Variants in FAM217B observed in about 807,000 individuals in gnomAD.
FAM217B encodes the protein protein FAM217B.
For missense variants in FAM217B, 463 were observed against 456.9 expected (o/e 1.01, Z -0.12); for synonymous variants, 163 against 173.0 (o/e 0.94, Z 0.45).
chr20:59,948,147 T>A lies in FAM217B; in HGVS notation c.*3052T>A, dbSNP rs540602833. ...AATGAACTAAAAGTATATCAGTATT[T>A]GCAGTATTTGCTGTGATTACTTAGG... On this transcript the variant is annotated 3_prime_UTR_variant, in exon 4 of 4. Coordinates refer to ENST00000360816, the MANE Select transcript of FAM217B (RefSeq NM_022106.3). 3 of 166,896 alleles carry A rather than the reference T, an allele frequency of 1.8e-5. No individual in the cohort carries two copies. Among genetic ancestry groups the A allele is most frequent in the African/African-American group, 7.2e-5 (3 of 41,582 alleles). The allele number at this position is 166,896 out of a possible 1,614,324, so 10.3% of individuals were successfully genotyped here.
rs185009645 is a variant in FAM217B, at chr20:59,948,429, A to G, written c.*3334A>G. 4.2e-4 allele frequency: 70 copies of G among 167,134 alleles called. No homozygotes were observed. Among genetic ancestry groups the G allele is most frequent in the Middle Eastern group, 3.4e-3 (1 of 296 alleles). The allele number at this position is 167,134 out of a possible 1,614,324, so 10.4% of individuals were successfully genotyped here. The stretch of plus-strand genomic sequence containing the variant: ...CTTCCTCATTCCTTTATGCTCACTT[A>G]TGGAGTAGTTACATAGAAATATAAC... On this transcript the variant is annotated 3_prime_UTR_variant, in exon 4 of 4. Transcript: ENST00000360816.
At position 59,943,605 on chromosome 20, in the gene FAM217B, A is replaced by T. The variant is rs181235030; in HGVS notation, c.-4-335A>T. On this transcript the variant is annotated intron_variant, in intron 3 of 3. Transcript: ENST00000360816. The stretch of plus-strand genomic sequence containing the variant: ...TTCTACGACTGATTTTTTCCAAACT[A>T]ATGTTTTTTTTTTAAAGTACACACG... Among the ~76,000 whole-genome samples, 185 of 152,246 alleles carry T rather than the reference A, an allele frequency of 1.2e-3. 1 individual carries two copies. The highest frequency in any genetic ancestry group is 4.1e-4 in the South Asian group (2 of 4,822).
At chr20:59,939,842 C>T, upstream of FAM217B, 1 of 1,242,246 alleles carries the variant, frequency 8.0e-7, no homozygotes, top group Non-Finnish European at 1.0e-6. Context: ...CGCCGCCGTC[C>T]AGGTCCGACA....
Position 59,944,911 on chromosome 20 carries a change from T to C in FAM217B, c.968T>C (p.Ile323Thr), listed in dbSNP as rs2060928534. Residue 323 changes from isoleucine (I) to threonine (T), a missense_variant, in exon 4 of 4, where the codon ATT becomes ACT. Transcript: ENST00000360816. The part of the protein sequence containing the change: ...SSSKVETSGH[I>T]RVPKQAAVIL... ...TCTAAGGTGGAAACCAGCGGTCACA[T>C]TCGAGTTCCCAAACAGGCAGCTGTG... is the stretch of plus-strand genomic sequence containing the variant. The C allele has an allele frequency of 2.5e-6, 4 of 1,614,180 alleles. No homozygotes were observed. The highest frequency in any genetic ancestry group is 3.4e-6 in the Non-Finnish European group (4 of 1,180,018).
chr20:59,944,836 G>A lies in FAM217B; in HGVS notation c.893G>A (p.Ser298Asn), dbSNP rs1215795621. The change falls in exon 4 of 4, where the codon AGT becomes AAT. Residue 298 changes from serine (S) to asparagine (N), a missense_variant. Ser to Asn is a conservative substitution (Grantham distance 46). Coordinates refer to ENST00000360816, the MANE Select transcript of FAM217B (RefSeq NM_022106.3). ...MRTEEKKKKS[S>N]KSTKLQRWDL... ...ACAGAAGAAAAGAAAAAGAAATCAAGTAAGAGTACGAAGCTGCAGCGCTGG... is the reference window on the plus strand; with the variant it reads ...ACAGAAGAAAAGAAAAAGAAATCAAATAAGAGTACGAAGCTGCAGCGCTGG... The A allele has an allele frequency of 9.3e-6, 15 of 1,614,060 alleles. No individual in the cohort carries two copies. The highest frequency in any genetic ancestry group is 1.2e-5 in the Non-Finnish European group (14 of 1,180,042).
rs1346906586 is a variant in FAM217B, at chr20:59,944,508, G to A, written c.565G>A (p.Glu189Lys). The A allele has an allele frequency of 1.2e-6, 2 of 1,613,912 alleles. No individual in the cohort carries two copies. Among genetic ancestry groups the A allele is most frequent in the Non-Finnish European group, 1.7e-6 (2 of 1,180,016 alleles). The change falls in exon 4 of 4, where the codon GAG becomes AAG. Residue 189 changes from glutamate to lysine, a missense_variant. By Grantham distance (56) the Glu-to-Lys change is moderately conservative. Transcript: ENST00000360816. ...GTATATCGATAGACTTATTCAGCTT[G>A]AGTGGCTGCAAGTCCAGACTGTACA... ...GKYIDRLIQL[E>K]WLQVQTVQCE...
In FAM217B at chr20:59,945,860, C is replaced by T. The variant is rs1375227572; in HGVS notation, c.*765C>T. 1 of 166,944 alleles carries T rather than the reference C, an allele frequency of 6.0e-6. No homozygotes were observed. The highest frequency in any genetic ancestry group is 2.4e-5 in the African/African-American group (1 of 41,406). 10.3% of individuals were successfully genotyped at this position (166,944 alleles called of 1,614,324 possible). A position where few individuals can be genotyped will look rare whatever the true frequency, so the allele number is the denominator to read the frequency against. ...AAAGTCAATGGGCTTAGCATGATTA[C>T]TGCTGTTTGGTGGGGCTGAGAATGA... On this transcript the variant is annotated 3_prime_UTR_variant, in exon 4 of 4. Transcript: ENST00000360816.
chr20:59,944,552 G>A lies in FAM217B; in HGVS notation c.609G>A (p.Gly203=). The A allele has an allele frequency of 6.2e-7, 1 of 1,614,036 alleles. No homozygotes were observed. The highest frequency in any genetic ancestry group is 8.5e-7 in the Non-Finnish European group (1 of 1,180,008). ...CTGTACAGTGTGAAAAAGCAAAGGG[G>A]GGCAAAGCAAGGCCCCCCACTGCCC... is the stretch of plus-strand genomic sequence containing the variant. ...VQTVQCEKAK[G]GKARPPTAPG... Residue 203 remains glycine (G), a synonymous_variant, in exon 4 of 4, where the codon GGG becomes GGA. Transcript: ENST00000360816.
intron 3 of FAM217B, 137 bp from the exon 4 acceptor site, chr20:59,943,803 G>A: frequency 3.0e-6 from 2 of 673,710 alleles, no homozygotes; most frequent in Non-Finnish European, 5.0e-6. Flanking sequence ...AAGGAGTTTG[G>A]AAGCTGACAT....
upstream of FAM217B, chr20:59,936,904 G>C (rs564363978): frequency 5.6e-4 from 86 of 152,550 alleles, no homozygotes; most frequent in African/African-American, 2.0e-3. Flanking sequence ...AATATGTTTG[G>C]GGGGACAACC....
upstream of FAM217B, chr20:59,937,568 TAG>T (rs1569004334): frequency 2.0e-5 from 3 of 152,342 alleles, no homozygotes; most frequent in African/African-American, 7.2e-5. Context: ...TTCAAAAATT[TAG>T]AGTTAATTTC....
upstream of FAM217B, chr20:59,940,111 G>A (rs966837374): frequency 4.6e-6 from 2 of 436,070 alleles, no homozygotes; most frequent in African/African-American, 2.0e-5. Context: ...TCCTTGTCCA[G>A]GTCCTCCGCT....
At chr20:59,943,561 G>A (rs1407352209) in intron 3 of FAM217B, among the ~76,000 whole-genome samples, 2 of 151,880 alleles carry the variant, frequency 1.3e-5, no homozygotes, top group African/African-American at 4.8e-5. Context: ...AAATGCTTTT[G>A]ATGGTAACAA....
chr20:59,936,776 T>C (rs1479192127), upstream of FAM217B: 2 of 152,222 alleles, frequency 1.3e-5, no homozygotes, highest in African/African-American at 4.8e-5. Flanking sequence ...AAGCTTGGTC[T>C]TCTGTAATTA....
chr20:59,944,262 C>T lies in FAM217B; in HGVS notation c.319C>T (p.Pro107Ser), dbSNP rs746002899. 8.1e-6 allele frequency: 13 copies of T among 1,614,022 alleles called. No homozygotes were observed. The highest frequency in any genetic ancestry group is 1.3e-5 in the African/African-American group (1 of 74,876). The stretch of plus-strand genomic sequence containing the variant: ...TGATTCGGAAAGAATTCCCATTCCT[C>T]CTTCTCCCCTCACACCTCCAGATCT... ...LSDSERIPIP[P>S]SPLTPPDLNL... Residue 107 changes from proline to serine, a missense_variant, in exon 4 of 4, where the codon CCT (proline) becomes TCT (serine). Pro to Ser is a moderately conservative substitution (Grantham distance 74). Transcript: ENST00000360816.
At chr20:59,939,245 G>A (rs771395328), upstream of FAM217B, 2 of 1,611,122 alleles carry the variant, frequency 1.2e-6, no homozygotes, top group Middle Eastern at 1.7e-4. Context: ...CCGTGCCCTC[G>A]GGGCCTGCGG....
At chr20:59,935,525 T>G (rs1193660415), upstream of FAM217B, among the ~76,000 whole-genome samples, 1 of 152,216 alleles carries the variant, frequency 6.6e-6, no homozygotes, top group Non-Finnish European at 1.5e-5. Flanking sequence ...CCCTGCACTT[T>G]GGGAGGCTGA....
At chr20:59,943,517 TA>T in intron 3 of FAM217B, among the ~76,000 whole-genome samples, 1 of 152,228 alleles carries the variant, frequency 6.6e-6, no homozygotes, top group Admixed American at 6.5e-5. Flanking sequence ...AATAGGTGTA[TA>T]AAATAAAACT....
rs368455420 is a variant in FAM217B, at chr20:59,944,520, G to A, written c.577G>A (p.Val193Ile). ...DRLIQLEWLQVQTVQCEKAKG... is the reference protein window; with the variant it reads ...DRLIQLEWLQIQTVQCEKAKG... Reference sequence around the variant, plus strand: ...ACTTATTCAGCTTGAGTGGCTGCAAGTCCAGACTGTACAGTGTGAAAAAGC... The same window carrying A: ...ACTTATTCAGCTTGAGTGGCTGCAAATCCAGACTGTACAGTGTGAAAAAGC... The change falls in exon 4 of 4, where the codon GTC (valine) becomes ATC (isoleucine). Residue 193 changes from valine (V) to isoleucine (I), a missense_variant. Transcript: ENST00000360816. 1.5e-5 allele frequency: 24 copies of A among 1,613,864 alleles called. No homozygotes were observed. The African/African-American group carries it at 2.8e-4, about 19-fold the overall frequency.
Sources: gnomAD v4.1 joint callset for allele counts (sites outside exome capture counted in the v4.1 genomes callset) on GRCh38, gnomAD v4.1.1 for gene constraint, MANE v1.5 for transcripts, NCBI Gene and HGNC (gene_info 2026-07-23, HGNC 2026-07-21) for gene names.